Variants in PDE1C observed in about 807,000 individuals in gnomAD.
The protein encoded by PDE1C is dual specificity calcium/calmodulin-dependent 3',5'-cyclic nucleotide phosphodiesterase 1C.
PDE1C carries 62 observed loss-of-function variants against 93.1 expected under a neutral mutation model. The ratio of observed to expected loss-of-function variants is 0.67; its 90% CI spans 0.54 to 0.82. The LOEUF is 0.82. PDE1C is among the 40% of genes least tolerant of loss of function. The probability of loss-of-function intolerance (pLI) is 0.00; values close to 1 mark genes in which losing one functional copy is unlikely to be tolerated. For missense variants in PDE1C, 742 were observed against 884.6 expected, an observed-to-expected ratio of 0.84 and a Z score of 2.04; for synonymous variants, 325 against 310.1, an observed-to-expected ratio of 1.05 and a Z score of -0.50.
chr7:32,374,160 GAGAAAGAA>G (rs764590020), intron 1 of PDE1C, among the ~76,000 whole-genome samples: 2 of 38,898 alleles, frequency 5.1e-5, no homozygotes, highest in Admixed American at 3.6e-4. Flanking sequence ...AAGAAAGAAA[GAGAAAGAA>G]AGAAAGAAAG....
upstream of PDE1C, among the ~76,000 whole-genome samples, chr7:32,303,882 C>T (rs1169535350): frequency 6.6e-6 from 1 of 152,072 alleles, no homozygotes; most frequent in African/African-American, 2.4e-5. Flanking sequence ...CCAAAGATCT[C>T]CCCATAACAT....
At chr7:32,304,164 C>T, upstream of PDE1C, among the ~76,000 whole-genome samples, 1 of 152,186 alleles carries the variant, frequency 6.6e-6, no homozygotes, top group East Asian at 1.9e-4. Flanking sequence ...AAAGCATTTT[C>T]TGCCTGACAT....
chr7:31,670,732 TG>T, the PDE1C span, among the ~76,000 whole-genome samples: 1 of 152,146 alleles, frequency 6.6e-6, no homozygotes. Context: ...CCCTCAAGCC[TG>T]GAACCGCAGC....
chr7:32,120,140 C>G (rs957979659), intron 3 of PDE1C, among the ~76,000 whole-genome samples: 2 of 152,240 alleles, frequency 1.3e-5, no homozygotes, highest in Non-Finnish European at 2.9e-5. Flanking sequence ...CAGAGCGCCT[C>G]TTCAGGCCTG....
At chr7:32,039,600 G>A (rs1791559603) in intron 2 of PDE1C, among the ~76,000 whole-genome samples, 1 of 152,186 alleles carries the variant, frequency 6.6e-6, no homozygotes, top group Non-Finnish European at 1.5e-5. Flanking sequence ...GAAGGAACTT[G>A]CCTGTGACTC....
At chr7:31,783,887 A>T (rs2128642972) in intron 16 of PDE1C, 1 of 152,348 alleles carries the variant, frequency 6.6e-6, no homozygotes. Flanking sequence ...TGTATTTCAC[A>T]TCATGGAAGT....
chr7:32,132,417 A>G (rs1215003919), intron 3 of PDE1C, among the ~76,000 whole-genome samples: 1 of 152,156 alleles, frequency 6.6e-6, no homozygotes, highest in Non-Finnish European at 1.5e-5. Flanking sequence ...TAATCCCAAC[A>G]CTTTGGGAGG....
chr7:32,425,948 AAAAG>A (rs1199893151), intron 1 of PDE1C, among the ~76,000 whole-genome samples: 1 of 152,146 alleles, frequency 6.6e-6, no homozygotes, highest in African/African-American at 2.4e-5. Context: ...GTCTCAAAAA[AAAAG>A]AAAGAGGAAG....
intron 17 of PDE1C, among the ~76,000 whole-genome samples, chr7:31,773,462 A>G (rs963414748): frequency 6.6e-6 from 1 of 151,994 alleles, no homozygotes; most frequent in Non-Finnish European, 1.5e-5. Context: ...CAAGGCTATG[A>G]CCTTGTCAGG....
At chr7:31,919,991 A>C (rs538242427) in intron 2 of PDE1C, among the ~76,000 whole-genome samples, 7 of 152,186 alleles carry the variant, frequency 4.6e-5, no homozygotes, top group African/African-American at 1.7e-4. Flanking sequence ...GAAGCCCCTA[A>C]ATCTGCACTC....
At chr7:32,225,011 CCTTT>C in intron 1 of PDE1C, among the ~76,000 whole-genome samples, 1 of 136,274 alleles carries the variant, frequency 7.3e-6, no homozygotes, top group African/African-American at 2.6e-5. Flanking sequence ...TCAGGAATCA[CCTTT>C]CTTATTTAAA....
At chr7:31,876,574 A>T (rs1019228944) in intron 5 of PDE1C, among the ~76,000 whole-genome samples, 2 of 152,228 alleles carry the variant, frequency 1.3e-5, no homozygotes, top group South Asian at 4.1e-4. Flanking sequence ...ATTAAAGACA[A>T]TAATGATGCT....
At chr7:32,035,456 C>T (rs1452331554) in intron 2 of PDE1C, among the ~76,000 whole-genome samples, 5 of 152,120 alleles carry the variant, frequency 3.3e-5, no homozygotes, top group African/African-American at 1.2e-4. Context: ...CTGCTTTTCA[C>T]GTTTCTTTCC....
chr7:32,064,544 C>T (rs1404360621), intron 1 of PDE1C, among the ~76,000 whole-genome samples: 1 of 152,158 alleles, frequency 6.6e-6, no homozygotes, highest in African/African-American at 2.4e-5. Context: ...AGTCGCATCT[C>T]CAATCTGTCC....
chr7:32,334,123 A>T (rs1783566430), intron 1 of PDE1C, among the ~76,000 whole-genome samples: 1 of 152,156 alleles, frequency 6.6e-6, no homozygotes, highest in African/African-American at 2.4e-5. Flanking sequence ...CATAAGGATC[A>T]ATTTTACCCT....
the PDE1C span, among the ~76,000 whole-genome samples, chr7:31,657,517 G>A: frequency 3.9e-5 from 6 of 152,148 alleles, no homozygotes; most frequent in African/African-American, 1.4e-4. Context: ...AAGGAGATGA[G>A]TTCCACCACA....
At chr7:31,686,558 C>T in the PDE1C span, among the ~76,000 whole-genome samples, 5 of 152,264 alleles carry the variant, frequency 3.3e-5, no homozygotes, top group African/African-American at 7.2e-5. Context: ...TGGTTACAAG[C>T]GTGGACCCTA....
intron 3 of PDE1C, among the ~76,000 whole-genome samples, chr7:32,101,963 A>G (rs1036438843): frequency 1.5e-4 from 23 of 152,098 alleles, no homozygotes; most frequent in African/African-American, 5.6e-4. Flanking sequence ...TGAGAGAAAG[A>G]GAGAGATACC....
At chr7:31,786,609 G>T (rs1264913766) in intron 16 of PDE1C, 1 of 152,064 alleles carries the variant, frequency 6.6e-6, no homozygotes, top group Non-Finnish European at 1.5e-5. Flanking sequence ...CACTGTGGTG[G>T]GCCAGCACTG....
Sources: gnomAD v4.1 joint callset for allele counts (sites outside exome capture counted in the v4.1 genomes callset) on GRCh38, gnomAD v4.1.1 for gene constraint, MANE v1.5 for transcripts, NCBI Gene and HGNC (gene_info 2026-07-23, HGNC 2026-07-21) for gene names.